USP42: variants seen among roughly 807,000 people sequenced by gnomAD.
The protein encoded by USP42 is ubiquitin specific peptidase 42.
USP42 carries 23 observed loss-of-function variants against 113.0 expected under a neutral mutation model. The observed-to-expected ratio is 0.20, with a 90% CI of 0.15 to 0.29. The LOEUF (loss-of-function observed/expected upper bound fraction) is 0.29. Ranked by LOEUF, USP42 falls within the 10% of genes least tolerant of loss-of-function variation. The pLI, the probability that USP42 is intolerant of heterozygous loss-of-function variation, is 1.00. For missense variants in USP42, 2,174 were observed against 1,779.8 expected, an observed-to-expected ratio of 1.22 and a Z score of -3.99; for synonymous variants, 933 against 699.0, an observed-to-expected ratio of 1.33 and a Z score of -5.28.
intron 4 of USP42, among the ~76,000 whole-genome samples, chr7:6,137,868 A>G (rs922693902): frequency 6.6e-6 from 1 of 151,872 alleles, no homozygotes; most frequent in African/African-American, 2.4e-5. Flanking sequence ...TTTAGTAGAG[A>G]TGGGGTTTCA....
In USP42 at chr7:6,160,584, A is replaced by G. The variant is rs903322110; in HGVS notation, c.*66A>G. On this transcript the variant is annotated 3_prime_UTR_variant, in exon 18 of 18. Coordinates refer to ENST00000306177, the MANE Select transcript of USP42 (RefSeq NM_032172.3). ...AACGCGTTCAACAGAAGCCATCCCC[A>G]GCCCAGCTTAAATTATAAAGATAGA... is the stretch of plus-strand genomic sequence containing the variant. 5 of 152,702 alleles carry G rather than the reference A, an allele frequency of 3.3e-5. No individual in the cohort carries two copies. Among genetic ancestry groups the G allele is most frequent in the African/African-American group, 1.2e-4 (5 of 41,470 alleles). The allele number at this position is 152,702 out of a possible 1,614,324, so 9.5% of individuals were successfully genotyped here.
At chr7:6,085,898 C>T in the USP42 span, among the ~76,000 whole-genome samples, 17 of 151,248 alleles carry the variant, frequency 1.1e-4, 1 homozygote, top group Admixed American at 3.9e-4. Flanking sequence ...CAGGCGTGAG[C>T]CACCGTGCCC....
rs866471770 is a variant in USP42, at chr7:6,114,680, T to A, written c.242-643T>A. Among the ~76,000 whole-genome samples, 54 of 35,918 alleles carry A rather than the reference T, an allele frequency of 1.5e-3. No homozygotes were observed. The East Asian group carries it at 0.021, about 14-fold the overall frequency. 23.6% of individuals were successfully genotyped at this position (35,918 alleles called of 152,430 possible). ...TGTATATATATATATATATATATAT[T>A]TTTTTTTTTTTTTTTTTTTTTTTTT... is the stretch of plus-strand genomic sequence containing the variant. On this transcript the variant is annotated intron_variant, in intron 2 of 17. Coordinates refer to ENST00000306177, the MANE Select transcript of USP42 (RefSeq NM_032172.3).
chr7:6,139,884 G>A lies in USP42; in HGVS notation c.657-244G>A, dbSNP rs1583647338. 1.3e-5 allele frequency: 7 copies of A among 547,372 alleles called. No individual in the cohort carries two copies. The highest frequency in any genetic ancestry group is 2.9e-4 in the Middle Eastern group (1 of 3,492). The allele number at this position is 547,372 out of a possible 1,614,324, so 33.9% of individuals were successfully genotyped here. A position where few individuals can be genotyped will look rare whatever the true frequency, so the allele number is the denominator to read the frequency against. Reference sequence around the variant, plus strand: ...GGACCAGACTCCTGCCTTGCTTCCCGAGTCCCTTCCTGACAGACACAGCTC... The same window carrying A: ...GGACCAGACTCCTGCCTTGCTTCCCAAGTCCCTTCCTGACAGACACAGCTC... On this transcript the variant is annotated intron_variant, in intron 5 of 17. Transcript: ENST00000306177. This position sits in a 1 kb window ranked among gnomAD's most constrained non-coding sequence, Gnocchi z 4.5.
Position 6,153,946 on chromosome 7 carries a change from C to T in USP42, c.2392C>T (p.Pro798Ser), listed in dbSNP as rs759680865. 4 of 1,597,850 alleles carry T rather than the reference C, an allele frequency of 2.5e-6. No homozygotes were observed. The highest frequency in any genetic ancestry group is 2.2e-5 in the East Asian group (1 of 44,492). Residue 798 changes from proline to serine, a missense_variant, in exon 15 of 18, where the codon CCC (proline) becomes TCC (serine). Transcript: ENST00000306177. ...EGAWEAMAVA[P>S]EEPPPSAGED... ...CGCCTGGGAGGCCATGGCCGTCGCC[C>T]CCGAGGAGCCTCCGCCCAGCGCCGG...
At chr7:6,092,608 T>A in the USP42 span, among the ~76,000 whole-genome samples, 1 of 151,366 alleles carries the variant, frequency 6.6e-6, no homozygotes, top group Non-Finnish European at 1.5e-5. Context: ...TAATAACTAA[T>A]TAACACCCAC....
rs780167853 is a variant in USP42, at chr7:6,149,907, A to G, written c.1711A>G (p.Thr571Ala). Reference protein sequence around the residue: ...SAVQSTSNASTMSVSSKVTKP... With the variant: ...SAVQSTSNASAMSVSSKVTKP... ...AGTACAGTCTACCTCGAACGCATCTACGATGTCAGTTTCTAGTAAAGTAAC... is the reference window on the plus strand; with the variant it reads ...AGTACAGTCTACCTCGAACGCATCTGCGATGTCAGTTTCTAGTAAAGTAAC... The change falls in exon 13 of 18, where the codon ACG (threonine) becomes GCG (alanine). Residue 571 changes from threonine (T) to alanine (A), a missense_variant. By Grantham distance (58) the Thr-to-Ala change is moderately conservative. Transcript: ENST00000306177. 1.2e-6 allele frequency: 2 copies of G among 1,614,012 alleles called. No individual in the cohort carries two copies. Among genetic ancestry groups the G allele is most frequent in the Middle Eastern group, 1.6e-4 (1 of 6,062 alleles).
intron 4 of USP42, 132 bp from the exon 5 acceptor site, chr7:6,138,960 G>A: frequency 1.7e-6 from 1 of 600,590 alleles, no homozygotes; most frequent in South Asian, 2.3e-5. Context: ...GCTTATGTTA[G>A]TGCTATTTCC....
At chr7:6,109,072 T>A (rs879843734) in intron 1 of USP42, among the ~76,000 whole-genome samples, 1 of 152,094 alleles carries the variant, frequency 6.6e-6, no homozygotes, top group Non-Finnish European at 1.5e-5. Context: ...GTGGGGGCCT[T>A]GAGGAGGGGT....
chr7:6,089,536 C>CT, the USP42 span, among the ~76,000 whole-genome samples: 1,139 of 139,674 alleles, frequency 8.2e-3, 51 homozygotes, highest in African/African-American at 0.025. Flanking sequence ...CTGACTTTCT[C>CT]TTTTTTTTTT....
chr7:6,139,828 A>AGTGCCCGGAGGCTGCC lies in USP42; in HGVS notation c.657-299_657-284dup. On this transcript the variant is annotated intron_variant, in intron 5 of 17. Transcript: ENST00000306177. This position sits in a 1 kb window ranked among gnomAD's most constrained non-coding sequence, Gnocchi z 4.5. ...CTCCCTTTCCTCCCACACAGGCCGC[A>AGTGCCCGGAGGCTGCC]GTGCCCGGAGGCTGCCATCTTCCTG... 2.2e-6 allele frequency: 1 copy of AGTGCCCGGAGGCTGCC among 461,900 alleles called. No homozygotes were observed. The highest frequency in any genetic ancestry group is 2.0e-5 in the African/African-American group (1 of 50,330). 28.6% of individuals were successfully genotyped at this position (461,900 alleles called of 1,614,324 possible).
At chr7:6,128,969 C>T (rs140073310) in intron 3 of USP42, among the ~76,000 whole-genome samples, 7 of 152,114 alleles carry the variant, frequency 4.6e-5, no homozygotes, top group East Asian at 1.9e-4. Flanking sequence ...TACAGCTGTG[C>T]GCGACCATGC....
At chr7:6,124,919 G>A (rs113341648) in intron 3 of USP42, among the ~76,000 whole-genome samples, 126 of 152,090 alleles carry the variant, frequency 8.3e-4, no homozygotes, top group Non-Finnish European at 1.4e-3. Context: ...AGTGGCTCAT[G>A]CCTGTAGTCT....
At chr7:6,134,238 A>G (rs1379009040) in intron 3 of USP42, among the ~76,000 whole-genome samples, 3 of 152,120 alleles carry the variant, frequency 2.0e-5, no homozygotes, top group Non-Finnish European at 2.9e-5. Flanking sequence ...TTCCTTGAAC[A>G]TAGGAATATA....
In USP42 at chr7:6,160,602, A is replaced by AAGAT. The variant is rs1289571030; in HGVS notation, c.*88_*91dup. 2.9e-4 allele frequency: 44 copies of AAGAT among 152,758 alleles called. No homozygotes were observed. The highest frequency in any genetic ancestry group is 8.9e-4 in the African/African-American group (37 of 41,570). The allele number at this position is 152,758 out of a possible 1,614,324, so 9.5% of individuals were successfully genotyped here. ...CATCCCCAGCCCAGCTTAAATTATA[A>AAGAT]AGATAGACAATAACTCTGTTCCAAT... On this transcript the variant is annotated 3_prime_UTR_variant, in exon 18 of 18. Coordinates refer to ENST00000306177, the MANE Select transcript of USP42 (RefSeq NM_032172.3).
At chr7:6,105,334 A>T (rs1402034010) in intron 1 of USP42, among the ~76,000 whole-genome samples, 2 of 147,766 alleles carry the variant, frequency 1.4e-5, no homozygotes, top group Non-Finnish European at 3.0e-5. Flanking sequence ...GTTGCCATGG[A>T]CACTGCGCTC....
rs755928003 is a variant in USP42 at position 6,150,476 on chromosome 7, A to G, written c.2171A>G (p.Asn724Ser). Residue 724 changes from asparagine (N) to serine (S), a missense_variant, in exon 14 of 18, where the codon AAC becomes AGC. Asn to Ser is a conservative substitution (Grantham distance 46). Coordinates refer to ENST00000306177, the MANE Select transcript of USP42 (RefSeq NM_032172.3). Reference protein sequence around the residue: ...DKILETFRLSNKLKGSTDEMS... With the variant: ...DKILETFRLSSKLKGSTDEMS... The stretch of plus-strand genomic sequence containing the variant: ...ATCTTAGAGACCTTCAGGCTTAGCA[A>G]CAAACTGAAAGGCTCGACGGATGAA... 3 of 1,613,888 alleles carry G rather than the reference A, an allele frequency of 1.9e-6. No individual in the cohort carries two copies. The East Asian group carries it at 6.7e-5, about 36-fold the overall frequency.
chr7:6,142,842 C>G lies in USP42; in HGVS notation c.796-90C>G. On this transcript the variant is annotated intron_variant, in intron 7 of 17. Coordinates refer to ENST00000306177, the MANE Select transcript of USP42 (RefSeq NM_032172.3). Reference sequence around the variant, plus strand: ...GAGGCTGCAGTGAGCTGTGATTGTGCCACTGCACTCCAGCCTGGGTGGCAG... The same window carrying G: ...GAGGCTGCAGTGAGCTGTGATTGTGGCACTGCACTCCAGCCTGGGTGGCAG... 5 of 1,215,644 alleles carry G rather than the reference C, an allele frequency of 4.1e-6. No homozygotes were observed. The South Asian group carries it at 6.4e-5, about 16-fold the overall frequency. The allele number at this position is 1,215,644 out of a possible 1,614,324, so 75.3% of individuals were successfully genotyped here.
chr7:6,153,727 G>A (rs1008298578), intron 14 of USP42, 29 bp from the exon 15 acceptor site: 168 of 1,429,666 alleles, frequency 1.2e-4, no homozygotes, highest in Non-Finnish European at 1.5e-4. Flanking sequence ...CCACGCTAAC[G>A]GGCGTGTTTG....
Sources: allele counts gnomAD v4.1 joint callset (sites outside exome capture counted in the v4.1 genomes callset), GRCh38; gene constraint gnomAD v4.1.1; non-coding constraint Gnocchi (gnomAD v3.1); transcripts MANE v1.5; gene names NCBI Gene and HGNC (gene_info 2026-07-23, HGNC 2026-07-21).